The following LYRM4 variants were observed in gnomAD, a reference collection of about 807,000 sequenced individuals.
LYRM4 encodes the protein LYR motif-containing protein 4.
A neutral mutation model predicts 11.7 loss-of-function variants in LYRM4; 9 were observed. The observed-to-expected ratio is 0.77, with a 90% CI of 0.46 to 1.34. LYRM4 has a LOEUF of 1.34. Among genes scored for constraint, LYRM4 ranks in the 40% most tolerant of loss-of-function variants. The probability of loss-of-function intolerance (pLI) is 0.00; values close to 1 mark genes in which losing one functional copy is unlikely to be tolerated. For missense variants in LYRM4, 133 were observed against 112.5 expected, an observed-to-expected ratio of 1.18 and a Z score of -0.82; for synonymous variants, 42 against 40.4, an observed-to-expected ratio of 1.04 and a Z score of -0.15.
chr6:5,077,106 G>A, the LYRM4 span, among the ~76,000 whole-genome samples: 85 of 152,326 alleles, frequency 5.6e-4, 1 homozygote, highest in African/African-American at 2.0e-3. Flanking sequence ...CGCTATTCTG[G>A]AGCAGGTTGG....
At chr6:5,066,858 C>A in the LYRM4 span, 30 of 871,096 alleles carry the variant, frequency 3.4e-5, no homozygotes, top group Non-Finnish European at 3.7e-5. Flanking sequence ...AGACAGGCCA[C>A]GGCGGTTCCT....
In LYRM4 at chr6:5,108,930, G is replaced by T. The variant is rs1762755594; in HGVS notation, c.*493C>A. The T allele has an allele frequency of 3.0e-6, 3 of 996,272 alleles. No homozygotes were observed. In the South Asian group the frequency reaches 1.3e-4, roughly 44 times the overall value. The allele number at this position is 996,272 out of a possible 1,614,324, so 61.7% of individuals were successfully genotyped here. On this transcript the variant is annotated 3_prime_UTR_variant, in exon 3 of 3. Coordinates refer to ENST00000330636, the MANE Select transcript of LYRM4 (RefSeq NM_020408.6). The stretch of plus-strand genomic sequence containing the variant: ...TCCATGCTGCCCCCAGTCTCAAGTG[G>T]TGCTTGAACTTGCCTTCACCAAGGC...
chr6:5,156,886 A>G (rs986211644), intron 2 of LYRM4, among the ~76,000 whole-genome samples: 1 of 151,924 alleles, frequency 6.6e-6, no homozygotes, highest in African/African-American at 2.4e-5. Flanking sequence ...TTCAAATCAC[A>G]ACAGACATGA....
At chr6:5,162,685 A>T (rs1425687424) in intron 2 of LYRM4, among the ~76,000 whole-genome samples, 1 of 152,184 alleles carries the variant, frequency 6.6e-6, no homozygotes, top group Non-Finnish European at 1.5e-5. Context: ...ATGGCACCAA[A>T]ACATCATGAG....
At chr6:5,072,414 A>G in the LYRM4 span, among the ~76,000 whole-genome samples, 3 of 152,124 alleles carry the variant, frequency 2.0e-5, no homozygotes, top group Non-Finnish European at 4.4e-5. Context: ...TGTCTTCCAC[A>G]ATGGTTAAAC....
chr6:5,184,599 T>G (rs771656775), intron 2 of LYRM4, among the ~76,000 whole-genome samples: 10 of 152,224 alleles, frequency 6.6e-5, no homozygotes, highest in Non-Finnish European at 1.0e-4. Context: ...ATGGATCTTG[T>G]TCTTCAAAGA....
At chr6:5,184,956 G>T (rs560591549) in intron 2 of LYRM4, among the ~76,000 whole-genome samples, 2 of 152,304 alleles carry the variant, frequency 1.3e-5, no homozygotes, top group Admixed American at 1.3e-4. Context: ...GGTCGCACGA[G>T]GTTGCTACCT....
At chr6:5,139,514 G>A (rs1757289761) in intron 2 of LYRM4, among the ~76,000 whole-genome samples, 1 of 152,186 alleles carries the variant, frequency 6.6e-6, no homozygotes, top group African/African-American at 2.4e-5. Context: ...CTATGATTGT[G>A]TTTAATATTA....
chr6:5,117,874 G>C (rs373436848), intron 2 of LYRM4, among the ~76,000 whole-genome samples: 80 of 151,826 alleles, frequency 5.3e-4, no homozygotes, highest in African/African-American at 1.9e-3. Flanking sequence ...GCAAGACCCA[G>C]TCTCTTAACA....
At chr6:5,081,551 G>A in the LYRM4 span, among the ~76,000 whole-genome samples, 2 of 152,058 alleles carry the variant, frequency 1.3e-5, no homozygotes, top group Non-Finnish European at 2.9e-5. Flanking sequence ...CCTGACCTGG[G>A]AACATCAGGG....
At chr6:5,239,809 T>G (rs1277357479) in intron 1 of LYRM4, among the ~76,000 whole-genome samples, 1 of 151,066 alleles carries the variant, frequency 6.6e-6, no homozygotes. Context: ...TTCCCAAGGC[T>G]CTTCCAGACC....
At chr6:5,205,758 C>T (rs935874644) in intron 2 of LYRM4, among the ~76,000 whole-genome samples, 1 of 152,204 alleles carries the variant, frequency 6.6e-6, no homozygotes, top group Non-Finnish European at 1.5e-5. Flanking sequence ...TCCCCCTTCT[C>T]CACCTCACTC....
At chr6:5,222,689 A>C (rs13213703) in intron 1 of LYRM4, among the ~76,000 whole-genome samples, 1 of 151,852 alleles carries the variant, frequency 6.6e-6, no homozygotes, top group Non-Finnish European at 1.5e-5. Context: ...CCTCAGTAAG[A>C]TGACTATTAA....
chr6:5,176,308 C>T (rs1416814047), intron 2 of LYRM4, among the ~76,000 whole-genome samples: 1 of 152,146 alleles, frequency 6.6e-6, no homozygotes, highest in Non-Finnish European at 1.5e-5. Flanking sequence ...CATGATCCAC[C>T]CGCCTCAGCC....
chr6:5,238,820 C>CTATTTCAAATAAACATAA, intron 1 of LYRM4, among the ~76,000 whole-genome samples: 2 of 152,136 alleles, frequency 1.3e-5, no homozygotes, highest in African/African-American at 4.8e-5. Context: ...CAAATCCAAC[C>CTATTTCAAATAAACATAA]TATTTCATAT....
chr6:5,190,958 G>A (rs1219963504), intron 2 of LYRM4, among the ~76,000 whole-genome samples: 2 of 152,124 alleles, frequency 1.3e-5, no homozygotes, highest in East Asian at 3.8e-4. Context: ...ATCAGCTAAA[G>A]GCATTGTATT....
At chr6:5,139,296 T>C (rs1380498645) in intron 2 of LYRM4, among the ~76,000 whole-genome samples, 2 of 152,170 alleles carry the variant, frequency 1.3e-5, no homozygotes, top group Non-Finnish European at 2.9e-5. Flanking sequence ...TCTGGAAACA[T>C]GGTGAGCATA....
At chr6:5,086,479 C>A in the LYRM4 span, 3 of 1,537,338 alleles carry the variant, frequency 2.0e-6, no homozygotes, top group Non-Finnish European at 2.6e-6. Flanking sequence ...TGTCTGCTAC[C>A]GCTGCGCGCA....
At chr6:5,172,373 A>G (rs999191219) in intron 2 of LYRM4, among the ~76,000 whole-genome samples, 1 of 152,160 alleles carries the variant, frequency 6.6e-6, no homozygotes, top group Non-Finnish European at 1.5e-5. Context: ...TGCATTTCCA[A>G]ATACTTTCGA....
Sources: gnomAD v4.1 joint callset for allele counts (sites outside exome capture counted in the v4.1 genomes callset) on GRCh38, gnomAD v4.1.1 for gene constraint, MANE v1.5 for transcripts, NCBI Gene and HGNC (gene_info 2026-07-23, HGNC 2026-07-21) for gene names.